The following CACNA1G variants were observed in gnomAD, a reference collection of about 807,000 sequenced individuals.
The protein encoded by CACNA1G is voltage-dependent T-type calcium channel subunit alpha-1G.
A neutral mutation model predicts 219.4 loss-of-function variants in CACNA1G; 67 were observed. That is an observed-to-expected ratio of 0.31 (90% CI 0.25 to 0.37). The LOEUF (loss-of-function observed/expected upper bound fraction) is 0.37. CACNA1G is among the 10% of genes least tolerant of loss of function. CACNA1G has a pLI of 1.00. For missense variants in CACNA1G, 2,380 were observed against 3,231.4 expected, an observed-to-expected ratio of 0.74 and a Z score of 6.39; for synonymous variants, 1,296 against 1,345.3, an observed-to-expected ratio of 0.96 and a Z score of 0.80.
intron 22 of CACNA1G, among the ~76,000 whole-genome samples, chr17:50,605,561 C>G (rs1310580017): frequency 6.6e-6 from 1 of 152,236 alleles, no homozygotes; most frequent in Non-Finnish European, 1.5e-5. Flanking sequence ...TGGGCTGGAC[C>G]TGAGAAGATG....
chr17:50,584,213 T>C (rs571100304), intron 9 of CACNA1G, among the ~76,000 whole-genome samples: 7 of 152,012 alleles, frequency 4.6e-5, no homozygotes, highest in African/African-American at 1.2e-4. Context: ...GCCAGGGGCT[T>C]GGAGAGATTG....
chr17:50,624,567 C>T, intron 37 of CACNA1G, 38 bp downstream of exon 37: 1 of 1,512,284 alleles, frequency 6.6e-7, no homozygotes, highest in Non-Finnish European at 8.9e-7. Context: ...GGCCTGGGGG[C>T]TGGACCCTCT....
rs2040474919 is a variant in CACNA1G, at chr17:50,575,565, A to G, written c.1163A>G (p.Asn388Ser). Residue 388 changes from asparagine to serine, a missense_variant, in exon 8 of 38, where the codon AAC (asparagine) becomes AGC (serine). Physicochemically the swap from Asn to Ser is conservative, Grantham distance 46 (BLOSUM62 1). Transcript: ENST00000359106. ...LIIVGSFFMI[N>S]LCLVVIATQF... Reference sequence around the variant, plus strand: ...CAGGTGGGCTCCTTCTTCATGATCAACCTGTGCCTGGTGGTGATTGCCACG... The same window carrying G: ...CAGGTGGGCTCCTTCTTCATGATCAGCCTGTGCCTGGTGGTGATTGCCACG... 1.2e-6 allele frequency: 2 copies of G among 1,611,260 alleles called. No individual in the cohort carries two copies. The highest frequency in any genetic ancestry group is 1.7e-6 in the Non-Finnish European group (2 of 1,178,316).
intron 23 of CACNA1G, 72 bp from the exon 24 acceptor site, chr17:50,606,828 T>A: frequency 9.0e-7 from 1 of 1,105,772 alleles, no homozygotes; most frequent in Non-Finnish European, 1.4e-6. Flanking sequence ...GGAGGCACTT[T>A]GGGGGCAGGT....
rs749813523 is a variant in CACNA1G, at chr17:50,607,821, C to T, written c.4513-6C>T. On this transcript the variant is annotated splice_region_variant and splice_polypyrimidine_tract_variant and intron_variant, in intron 24 of 37. Coordinates refer to ENST00000359106, the MANE Select transcript of CACNA1G (RefSeq NM_018896.5). Reference sequence around the variant, plus strand: ...GCCTCCGCCTGTCCTTCCTGCTCCCCGCCAGCCCATCATGAACCACAACCC... The same window carrying T: ...GCCTCCGCCTGTCCTTCCTGCTCCCTGCCAGCCCATCATGAACCACAACCC... 3.0e-5 allele frequency: 49 copies of T among 1,612,756 alleles called. No individual in the cohort carries two copies. The highest frequency in any genetic ancestry group is 1.2e-4 in the Admixed American group (7 of 60,002).
In CACNA1G at chr17:50,572,632, C is replaced by T. The variant is rs555571087; in HGVS notation, c.825C>T (p.Arg275=). 2.9e-5 allele frequency: 46 copies of T among 1,598,846 alleles called. No individual in the cohort carries two copies. The East Asian group carries it at 5.0e-4, about 17-fold the overall frequency. Residue 275 remains arginine, a synonymous_variant, in exon 6 of 38, where the codon CGC becomes CGT. Transcript: ENST00000359106. ...GCCCCTTCATCTGCTCCCAGCCACG[C>T]GAGAACGGCATGCGGTCCTGCAGAA... ...DESPFICSQP[R]ENGMRSCRSV... is the part of the protein sequence containing the mutation.
intron 35 of CACNA1G, among the ~76,000 whole-genome samples, chr17:50,622,560 A>T (rs2052426300): frequency 6.6e-6 from 1 of 151,870 alleles, no homozygotes; most frequent in African/African-American, 2.4e-5. Flanking sequence ...GAAGCAAAAT[A>T]AGATTGTCCT....
chr17:50,578,654 G>A lies in CACNA1G; in HGVS notation c.2301+90G>A, dbSNP rs1461646788. 5 of 1,333,718 alleles carry A rather than the reference G, an allele frequency of 3.7e-6. No homozygotes were observed. The highest frequency in any genetic ancestry group is 1.5e-5 in the South Asian group (1 of 65,756). The allele number at this position is 1,333,718 out of a possible 1,614,324, so 82.6% of individuals were successfully genotyped here. On this transcript the variant is annotated intron_variant, in intron 9 of 37. Coordinates refer to ENST00000359106, the MANE Select transcript of CACNA1G (RefSeq NM_018896.5). This position sits in a 1 kb window ranked among gnomAD's most constrained non-coding sequence, Gnocchi z 4.5. The stretch of plus-strand genomic sequence containing the variant: ...CCTCCCTCCGCACCCCTCCTCCTGA[G>A]CTCAGCTTCCTCTCCATGCTGCTAG...
In CACNA1G at chr17:50,603,921, T is replaced by G. The variant is rs1353210607; in HGVS notation, c.4170-234T>G. On this transcript the variant is annotated intron_variant, in intron 21 of 37. Transcript: ENST00000359106. This position sits in a 1 kb window ranked among gnomAD's most constrained non-coding sequence, Gnocchi z 6.4. Reference sequence around the variant, plus strand: ...TCCCAACCCAAACAGGTCGTACATTTGACATCCTGGGATGGAGGTGGAGAT... The same window carrying G: ...TCCCAACCCAAACAGGTCGTACATTGGACATCCTGGGATGGAGGTGGAGAT... Among the ~76,000 whole-genome samples the G allele has an allele frequency of 2.0e-5, 3 of 152,168 alleles. No homozygotes were observed. Among genetic ancestry groups the G allele is most frequent in the Non-Finnish European group, 2.9e-5 (2 of 68,034 alleles).
chr17:50,611,685 A>C (rs1208930257), intron 26 of CACNA1G, among the ~76,000 whole-genome samples: 1 of 152,112 alleles, frequency 6.6e-6, no homozygotes, highest in Non-Finnish European at 1.5e-5. Context: ...CTTTTCCCTT[A>C]CGGGCCCACC....
rs184515811 is a variant in CACNA1G at position 50,618,635 on chromosome 17, C to G, written c.5428-20C>G. Reference sequence around the variant, plus strand: ...ACAACTGTCCTCCCCAGCCTCACCCCTCTATTCCACCCTCCCCAGGACACC... The same window carrying G: ...ACAACTGTCCTCCCCAGCCTCACCCGTCTATTCCACCCTCCCCAGGACACC... On this transcript the variant is annotated intron_variant, in intron 32 of 37. Coordinates refer to ENST00000359106, the MANE Select transcript of CACNA1G (RefSeq NM_018896.5). This position sits in a 1 kb window ranked among gnomAD's most constrained non-coding sequence, Gnocchi z 5.3. 3 of 1,582,274 alleles carry G rather than the reference C, an allele frequency of 1.9e-6. No individual in the cohort carries two copies. The highest frequency in any genetic ancestry group is 2.6e-6 in the Non-Finnish European group (3 of 1,152,706).
At chr17:50,576,394 TA>T in intron 8 of CACNA1G, 68 bp downstream of exon 8, 1 of 1,467,050 alleles carries the variant, frequency 6.8e-7, no homozygotes, top group Non-Finnish European at 9.3e-7. Context: ...CAGAGGGGAC[TA>T]GGGGGTCTGG....
At chr17:50,593,676 C>T (rs111541254) in intron 13 of CACNA1G, among the ~76,000 whole-genome samples, 2,106 of 152,368 alleles carry the variant, frequency 0.014, 45 homozygotes, top group African/African-American at 0.047. Flanking sequence ...CAGCCACACC[C>T]TCCCCAACCT....
intron 22 of CACNA1G, among the ~76,000 whole-genome samples, chr17:50,604,751 T>C (rs1167803889): frequency 2.0e-5 from 3 of 152,206 alleles, no homozygotes; most frequent in Admixed American, 1.3e-4. Context: ...AAACTTGGCC[T>C]TGGGCCCAGG....
chr17:50,609,070 G>A (rs767085920), intron 25 of CACNA1G, among the ~76,000 whole-genome samples: 7 of 152,142 alleles, frequency 4.6e-5, no homozygotes, highest in Admixed American at 1.3e-4. Flanking sequence ...CGATAAGATG[G>A]GTGCGGTGGC....
At chr17:50,597,615 A>T (rs2045824529) in intron 16 of CACNA1G, among the ~76,000 whole-genome samples, 1 of 152,264 alleles carries the variant, frequency 6.6e-6, no homozygotes, top group South Asian at 2.1e-4. Context: ...ATCACTTCAC[A>T]TACTTATTTT....
rs369172303 is a variant in CACNA1G at position 50,618,273 on chromosome 17, G to A, written c.5357G>A (p.Arg1786Gln). 3.1e-6 allele frequency: 5 copies of A among 1,613,686 alleles called. No individual in the cohort carries two copies. Among genetic ancestry groups the A allele is most frequent in the African/African-American group, 1.3e-5 (1 of 74,886 alleles). Residue 1786 changes from arginine to glutamine, a missense_variant, in exon 32 of 38, where the codon CGG becomes CAG. By Grantham distance (43) the Arg-to-Gln change is conservative. Transcript: ENST00000359106. The surrounding 1 kb of genome is among the most constrained non-coding windows in gnomAD (Gnocchi z 5.3). ...CEGLGRHATF[R>Q]NFGMAFLTLF... ...GGCCTGGGCCGTCATGCCACCTTTC[G>A]GAACTTTGGCATGGCCTTCCTAACC...
rs751887776 is a variant in CACNA1G at position 50,617,558 on chromosome 17, G to A, written c.5142G>A (p.Leu1714=). The A allele has an allele frequency of 6.2e-7, 1 of 1,613,988 alleles. No homozygotes were observed. Residue 1714 remains leucine, a synonymous_variant, in exon 29 of 38, where the codon CTG becomes CTA. Transcript: ENST00000359106. This position sits in a 1 kb window ranked among gnomAD's most constrained non-coding sequence, Gnocchi z 5.8. ...NPTIIRIMRV[L]RIARVLKLLK... is the part of the protein sequence containing the mutation. ...CCATCATCCGCATCATGAGGGTGCT[G>A]CGCATTGCCCGAGGTTGGTGCCCAG...
In CACNA1G at chr17:50,572,842, C is replaced by T. The variant is rs549250926; in HGVS notation, c.1035C>T (p.Ile345=). 1.4e-5 allele frequency: 22 copies of T among 1,611,870 alleles called. No individual in the cohort carries two copies. The Middle Eastern group carries it at 8.2e-4, about 60-fold the overall frequency. Residue 345 remains isoleucine (I), a synonymous_variant, in exon 6 of 38, where the codon ATC becomes ATT. Transcript: ENST00000359106. ...TTGACAACATTGGCTATGCCTGGAT[C>T]GCCATCTTCCAGGTGGGGCAGCCTG... ...INFDNIGYAW[I]AIFQVITLEG...
Sources: gnomAD v4.1 joint callset for allele counts (sites outside exome capture counted in the v4.1 genomes callset) on GRCh38, gnomAD v4.1.1 for gene constraint, Gnocchi (gnomAD v3.1) non-coding constraint, MANE v1.5 for transcripts, NCBI Gene and HGNC (gene_info 2026-07-23, HGNC 2026-07-21) for gene names.